SCUBE1: variants seen among roughly 807,000 people sequenced by gnomAD.
SCUBE1 encodes the protein signal peptide, CUB domain and EGF like domain containing 1.
Under a neutral mutation model 124.4 loss-of-function variants are expected in SCUBE1, and 59 were observed. The observed-to-expected ratio is 0.47, with a 90% confidence interval of 0.38 to 0.59. The LOEUF is 0.59. Ranked by LOEUF, SCUBE1 falls within the 20% of genes least tolerant of loss-of-function variation. The pLI, the probability that SCUBE1 is intolerant of heterozygous loss-of-function variation, is 0.00. For missense variants in SCUBE1, 1,150 were observed against 1,371.2 expected (o/e 0.84, Z 2.55); for synonymous variants, 545 against 550.9 (o/e 0.99, Z 0.15).
intron 2 of SCUBE1, among the ~76,000 whole-genome samples, chr22:43,331,942 C>T (rs1926916950): frequency 6.6e-6 from 1 of 152,130 alleles, no homozygotes; most frequent in Non-Finnish European, 1.5e-5. Flanking sequence ...TAGGAACAAG[C>T]TGGCAAGTTT....
intron 1 of SCUBE1, 103 bp downstream of exon 1, chr22:43,343,071 G>T (rs1163562242): frequency 2.2e-6 from 1 of 463,934 alleles, no homozygotes; most frequent in Non-Finnish European, 3.0e-6. Context: ...GCGGGGCCGC[G>T]CGGGGCGAGC....
chr22:43,281,587 T>C (rs75976004), intron 4 of SCUBE1, among the ~76,000 whole-genome samples: 2,700 of 64,556 alleles, frequency 0.042, 156 homozygotes, highest in East Asian at 0.26. Flanking sequence ...TCACCTCCCT[T>C]CTCAGCCACC....
Position 43,255,601 on chromosome 22 carries a change from C to T in SCUBE1, c.727+2618G>A, listed in dbSNP as rs117545977. ...CTCTAAAACACAAGTAAGGGACAAA[C>T]ACGGAGCCAGTGGTTAATGACAGCC... On this transcript the variant is annotated intron_variant, in intron 6 of 21. Coordinates refer to ENST00000360835, the MANE Select transcript of SCUBE1 (RefSeq NM_173050.5). This position sits in a 1 kb window ranked among gnomAD's most constrained non-coding sequence, Gnocchi z 4.7. The T allele has an allele frequency of 9.3e-3, 14,416 of 1,543,650 alleles. 88 individuals carry two copies. The highest frequency in any genetic ancestry group is 0.011 in the Non-Finnish European group (12,838 of 1,140,988).
chr22:43,220,483 A>G lies in SCUBE1; in HGVS notation c.1654T>C (p.Phe552Leu). The change falls in exon 14 of 22, where the codon TTT becomes CTT. Residue 552 changes from phenylalanine to leucine, a missense_variant. By Grantham distance (22) the Phe-to-Leu change is conservative (BLOSUM62 0). Transcript: ENST00000360835. ...SKEVSHITAE[F>L]EIETKMEEAS... Reference sequence around the variant, plus strand: ...TCTTCCATCTTTGTCTCGATCTCAAACTCTGCTGTGATGTGGGACACCTCC... The same window carrying G: ...TCTTCCATCTTTGTCTCGATCTCAAGCTCTGCTGTGATGTGGGACACCTCC... 1 of 1,613,500 alleles carries G rather than the reference A, an allele frequency of 6.2e-7. No individual in the cohort carries two copies. Among genetic ancestry groups the G allele is most frequent in the Non-Finnish European group, 8.5e-7 (1 of 1,179,864 alleles).
Position 43,229,194 on chromosome 22 carries a change from T to C in SCUBE1, c.968-6A>G. 1 of 1,571,120 alleles carries C rather than the reference T, an allele frequency of 6.4e-7. No individual in the cohort carries two copies. Among genetic ancestry groups the C allele is most frequent in the Non-Finnish European group, 8.7e-7 (1 of 1,149,764 alleles). On this transcript the variant is annotated splice_region_variant and splice_polypyrimidine_tract_variant and intron_variant, in intron 8 of 21. Transcript: ENST00000360835. ...GAAGGAGCACTCGTCGATGTCTGCG[T>C]GGCCACAGGGAGACAAAGTTGGGGG...
At chr22:43,217,437 C>T (rs972307495) in intron 15 of SCUBE1, among the ~76,000 whole-genome samples, 1 of 151,936 alleles carries the variant, frequency 6.6e-6, no homozygotes, top group African/African-American at 2.4e-5. Flanking sequence ...TTGGCCAAAC[C>T]CTTGGAGTCG....
rs1601796078 is a variant in SCUBE1 at position 43,210,834 on chromosome 22, C to T, written c.2383+88G>A. On this transcript the variant is annotated intron_variant, in intron 18 of 21. Coordinates refer to ENST00000360835, the MANE Select transcript of SCUBE1 (RefSeq NM_173050.5). The surrounding 1 kb of genome is among the most constrained non-coding windows in gnomAD (Gnocchi z 4.5). ...AGGAGTCCAGTGTCCTCGTGGAGCT[C>T]GTGTGAGATCAGGTCTCCTCCCGCC... 11 of 1,471,718 alleles carry T rather than the reference C, an allele frequency of 7.5e-6. No homozygotes were observed. Among genetic ancestry groups the T allele is most frequent in the African/African-American group, 1.4e-5 (1 of 72,360 alleles). 91.2% of individuals were successfully genotyped at this position (1,471,718 alleles called of 1,614,324 possible).
In SCUBE1 at chr22:43,284,758, GTCA is replaced by G. The variant is rs1354161006; in HGVS notation, c.484+6285_484+6287del. ...GGATGCAGCTCTTGCAATCATCATC[GTCA>G]TCGTCGTCGTCGTCGTCGTCATCAT... is the stretch of plus-strand genomic sequence containing the variant. On this transcript the variant is annotated intron_variant, in intron 4 of 21. Coordinates refer to ENST00000360835, the MANE Select transcript of SCUBE1 (RefSeq NM_173050.5). Among the ~76,000 whole-genome samples, 333 of 149,704 alleles carry G rather than the reference GTCA, an allele frequency of 2.2e-3. 1 individual carries two copies. The highest frequency in any genetic ancestry group is 7.0e-3 in the African/African-American group (275 of 39,128).
At position 43,220,567 on chromosome 22, in the gene SCUBE1, C is replaced by A. The variant is rs149213561; in HGVS notation, c.1570G>T (p.Val524Leu). 6.2e-7 allele frequency: 1 copy of A among 1,613,832 alleles called. No homozygotes were observed. Among genetic ancestry groups the A allele is most frequent in the African/African-American group, 1.3e-5 (1 of 74,922 alleles). ...TTGGAGGAGTCACACTTGAGGGTCA[C>A]GAAAGTCACATGGCAGTGGTCTGGA... ...PLLDHCHVTF[V>L]TLKCDSSKKR... The change falls in exon 14 of 22, where the codon GTG (valine) becomes TTG (leucine). Residue 524 changes from valine to leucine, a missense_variant. By Grantham distance (32) the Val-to-Leu change is conservative. Coordinates refer to ENST00000360835, the MANE Select transcript of SCUBE1 (RefSeq NM_173050.5).
chr22:43,239,019 G>T (rs1026753135), intron 6 of SCUBE1, 65 bp from the exon 7 acceptor site: 7 of 1,312,814 alleles, frequency 5.3e-6, no homozygotes, highest in Non-Finnish European at 5.5e-6. Flanking sequence ...TTCCCCTTCC[G>T]TGGAAAGATC....
In SCUBE1 at chr22:43,258,167, G is replaced by A. The variant is rs1372940106; in HGVS notation, c.727+52C>T. On this transcript the variant is annotated intron_variant, in intron 6 of 21. Coordinates refer to ENST00000360835, the MANE Select transcript of SCUBE1 (RefSeq NM_173050.5). This position sits in a 1 kb window ranked among gnomAD's most constrained non-coding sequence, Gnocchi z 5.0. ...CTGGCCCTGCTGGTGCACGCATGGG[G>A]GGTCGGGGGCGGGGGGCGCAAGGGT... 1 of 1,241,998 alleles carries A rather than the reference G, an allele frequency of 8.1e-7. No individual in the cohort carries two copies. The highest frequency in any genetic ancestry group is 2.3e-5 in the East Asian group (1 of 42,786). 76.9% of individuals were successfully genotyped at this position (1,241,998 alleles called of 1,614,324 possible). A position where few individuals can be genotyped will look rare whatever the true frequency, so the allele number is the denominator to read the frequency against.
chr22:43,280,711 TCGGC>T (rs1338601905), intron 4 of SCUBE1, among the ~76,000 whole-genome samples: 3 of 69,768 alleles, frequency 4.3e-5, no homozygotes, highest in African/African-American at 6.5e-5. Flanking sequence ...ACCTTCCTCC[TCGGC>T]CACCCTCCTG....
intron 12 of SCUBE1, among the ~76,000 whole-genome samples, chr22:43,222,004 C>T (rs1338561283): frequency 6.6e-6 from 1 of 152,136 alleles, no homozygotes; most frequent in African/African-American, 2.4e-5. Context: ...GCGGAGGTTG[C>T]AGTGAGCCGA....
chr22:43,314,427 T>C (rs1926272140), intron 3 of SCUBE1, among the ~76,000 whole-genome samples: 1 of 152,104 alleles, frequency 6.6e-6, no homozygotes, highest in Admixed American at 6.5e-5. Flanking sequence ...GCTGTTGCCC[T>C]GGGCCCCCAC....
At chr22:43,277,160 G>C (rs1444747473) in intron 4 of SCUBE1, among the ~76,000 whole-genome samples, 1 of 152,140 alleles carries the variant, frequency 6.6e-6, no homozygotes, top group Non-Finnish European at 1.5e-5. Flanking sequence ...TTCTCAGTGA[G>C]CGATGGTCAG....
Position 43,214,127 on chromosome 22 carries a change from A to G in SCUBE1, c.2016T>C (p.Leu672=), listed in dbSNP as rs1921702469. 1.4e-6 allele frequency: 2 copies of G among 1,427,112 alleles called. No homozygotes were observed. The highest frequency in any genetic ancestry group is 3.0e-5 in the African/African-American group (2 of 67,332). The allele number at this position is 1,427,112 out of a possible 1,614,324, so 88.4% of individuals were successfully genotyped here. Residue 672 remains leucine (L), a synonymous_variant, in exon 16 of 22, where the codon CTT becomes CTC. Transcript: ENST00000360835. ...SCTPCPSSDG[L]GLPGARNVSE... ...ACACGTTGCGGGCACCAGGCAGACC[A>G]AGCCCGTCGCTGCTGGGGCACGGTG... is the stretch of plus-strand genomic sequence containing the variant.
intron 3 of SCUBE1, among the ~76,000 whole-genome samples, chr22:43,319,525 T>C (rs1020358252): frequency 2.4e-5 from 3 of 125,392 alleles, no homozygotes; most frequent in Admixed American, 1.0e-4. Context: ...ATTACACCAC[T>C]GCATGCTTGG....
intron 3 of SCUBE1, among the ~76,000 whole-genome samples, chr22:43,308,457 A>G (rs762985478): frequency 1.4e-4 from 22 of 152,366 alleles, no homozygotes; most frequent in Admixed American, 4.6e-4. Context: ...TTTTACATTA[A>G]GATGATCAGC....
At chr22:43,294,360 AG>A (rs1925481329) in intron 3 of SCUBE1, among the ~76,000 whole-genome samples, 1 of 152,108 alleles carries the variant, frequency 6.6e-6, no homozygotes, top group Non-Finnish European at 1.5e-5. Flanking sequence ...AGGTCTGAAG[AG>A]CATCCAACTG....
Sources: allele counts gnomAD v4.1 joint callset (sites outside exome capture counted in the v4.1 genomes callset), GRCh38; gene constraint gnomAD v4.1.1; non-coding constraint Gnocchi (gnomAD v3.1); transcripts MANE v1.5; gene names NCBI Gene and HGNC (gene_info 2026-07-23, HGNC 2026-07-21).